CUL2: variants seen among roughly 807,000 people sequenced by gnomAD.
CUL2 encodes cullin-2.
Under a neutral mutation model 110.2 loss-of-function variants are expected in CUL2, and 22 were observed. The observed-to-expected ratio is 0.20, with a 90% confidence interval of 0.14 to 0.28. The LOEUF (loss-of-function observed/expected upper bound fraction) is 0.28, where lower values mean the gene tolerates loss of function less well. Ranked by LOEUF, CUL2 falls within the 10% of genes least tolerant of loss-of-function variation. The probability of loss-of-function intolerance (pLI) is 1.00; values close to 1 mark genes in which losing one functional copy is unlikely to be tolerated. For synonymous variants in CUL2, 279 were observed against 293.2 expected, an observed-to-expected ratio of 0.95 and a Z score of 0.49; for missense variants, 631 against 905.5, an observed-to-expected ratio of 0.70 and a Z score of 3.89.
At chr10:35,103,183 C>T (rs576060896) in intron 1 of CUL2, among the ~76,000 whole-genome samples, 35 of 152,034 alleles carry the variant, frequency 2.3e-4, no homozygotes, top group African/African-American at 7.7e-4. Context: ...TGCTCTGTTG[C>T]CCAGGCTGCA....
chr10:35,029,702 A>G, intron 14 of CUL2, 62 bp from the exon 15 acceptor site: 1 of 1,261,718 alleles, frequency 7.9e-7, no homozygotes, highest in Non-Finnish European at 1.1e-6. Context: ...ATATTGGTTA[A>G]TAATAATGTG....
chr10:35,045,329 C>G, intron 6 of CUL2, among the ~76,000 whole-genome samples: 1 of 152,124 alleles, frequency 6.6e-6, no homozygotes, highest in Non-Finnish European at 1.5e-5. Flanking sequence ...TGGCTCGTGC[C>G]TGTAATCCCA....
chr10:35,074,007 G>A (rs1002624700), intron 1 of CUL2: 21 of 707,428 alleles, frequency 3.0e-5, no homozygotes, highest in South Asian at 1.0e-4. Context: ...ATTCAGACCC[G>A]TGCTGCGGCC....
intron 1 of CUL2, among the ~76,000 whole-genome samples, chr10:35,121,117 T>C (rs1173274651): frequency 6.6e-6 from 1 of 152,216 alleles, no homozygotes; most frequent in Non-Finnish European, 1.5e-5. Context: ...TAATGTCATG[T>C]CTTCCTATAG....
At chr10:35,026,445 A>AT (rs1353063740) in intron 16 of CUL2, among the ~76,000 whole-genome samples, 2 of 152,170 alleles carry the variant, frequency 1.3e-5, no homozygotes, top group Non-Finnish European at 2.9e-5. Flanking sequence ...AAAAACTTTC[A>AT]TTTTTTTCTC....
intron 1 of CUL2, among the ~76,000 whole-genome samples, chr10:35,077,082 G>A (rs928250672): frequency 6.6e-6 from 1 of 152,058 alleles, no homozygotes; most frequent in African/African-American, 2.4e-5. Flanking sequence ...ATTCATAAAG[G>A]CCCTTGAAAT....
At chr10:35,041,114 A>G (rs1042708324) in intron 8 of CUL2, among the ~76,000 whole-genome samples, 1 of 152,226 alleles carries the variant, frequency 6.6e-6, no homozygotes, top group South Asian at 2.1e-4. Flanking sequence ...CAGCTAAGAA[A>G]GGCACTTTGA....
chr10:35,121,723 T>C (rs960894613), intron 1 of CUL2, among the ~76,000 whole-genome samples: 6 of 151,860 alleles, frequency 4.0e-5, no homozygotes, highest in African/African-American at 1.5e-4. Flanking sequence ...GGTGGGAGGA[T>C]TGCTTGAGCC....
chr10:35,038,879 G>A (rs778823465), intron 9 of CUL2, 41 bp downstream of exon 9: 3 of 1,391,330 alleles, frequency 2.2e-6, no homozygotes, highest in Non-Finnish European at 3.0e-6. Flanking sequence ...ATAAAAGGTG[G>A]ATTTATAATT....
chr10:35,085,712 A>C (rs555476500), intron 1 of CUL2, among the ~76,000 whole-genome samples: 12 of 151,964 alleles, frequency 7.9e-5, no homozygotes, highest in South Asian at 2.1e-4. Flanking sequence ...AAAAAAAAAA[A>C]AAAAAACTGA....
upstream of CUL2, among the ~76,000 whole-genome samples, chr10:35,092,663 T>C (rs1183461381): frequency 6.6e-6 from 1 of 152,210 alleles, no homozygotes; most frequent in Non-Finnish European, 1.5e-5. Context: ...CTGACCTCAT[T>C]GATTTAATCT....
At chr10:35,063,382 G>A (rs1387508038) in intron 2 of CUL2, among the ~76,000 whole-genome samples, 5 of 152,016 alleles carry the variant, frequency 3.3e-5, no homozygotes, top group African/African-American at 7.2e-5. Context: ...ACAAAATAAG[G>A]TTTATATTAG....
intron 8 of CUL2, among the ~76,000 whole-genome samples, chr10:35,040,557 C>T (rs563624253): frequency 1.3e-5 from 2 of 152,244 alleles, no homozygotes; most frequent in South Asian, 4.1e-4. Context: ...AATGAGGCTC[C>T]AGACAGTAGG....
At chr10:35,013,641 A>C (rs1344082306) in intron 19 of CUL2, 58 bp downstream of exon 19, 1 of 1,105,422 alleles carries the variant, frequency 9.0e-7, no homozygotes. Flanking sequence ...AAACACTTGT[A>C]AAGTCCAATG....
chr10:35,102,613 C>T (rs1258830408), intron 1 of CUL2, among the ~76,000 whole-genome samples: 1 of 150,718 alleles, frequency 6.6e-6, no homozygotes, highest in African/African-American at 2.4e-5. Flanking sequence ...GGCCTGGCAC[C>T]GTGGCTCATA....
intron 1 of CUL2, among the ~76,000 whole-genome samples, chr10:35,083,536 G>A (rs1478022850): frequency 6.6e-6 from 1 of 152,112 alleles, no homozygotes; most frequent in Admixed American, 6.5e-5. Context: ...TTGATTCCAG[G>A]GCTGAAGCAG....
chr10:35,104,308 T>C (rs1486885475), intron 1 of CUL2, among the ~76,000 whole-genome samples: 1 of 152,030 alleles, frequency 6.6e-6, no homozygotes, highest in Non-Finnish European at 1.5e-5. Context: ...TAGCTAGACA[T>C]GGTGTAGTGC....
At chr10:35,017,417 G>A (rs1213518843) in intron 17 of CUL2, among the ~76,000 whole-genome samples, 1 of 151,676 alleles carries the variant, frequency 6.6e-6, no homozygotes, top group Non-Finnish European at 1.5e-5. Context: ...ATATGTGCTG[G>A]GCACGGTAGC....
At chr10:35,061,553 T>C (rs992542338) in intron 3 of CUL2, among the ~76,000 whole-genome samples, 1 of 152,014 alleles carries the variant, frequency 6.6e-6, no homozygotes, top group Non-Finnish European at 1.5e-5. Flanking sequence ...TCACTTATGG[T>C]GTTAACCAAA....
Sources: gnomAD v4.1 joint callset for allele counts (sites outside exome capture counted in the v4.1 genomes callset) on GRCh38, gnomAD v4.1.1 for gene constraint, MANE v1.5 for transcripts, NCBI Gene and HGNC (gene_info 2026-07-23, HGNC 2026-07-21) for gene names.